ST3GAL1: variants seen among roughly 807,000 people sequenced by gnomAD.
ST3GAL1 encodes the protein CMP-N-acetylneuraminate-beta-galactosamide-alpha-2,3-sialyltransferase 1.
Under a neutral mutation model 34.1 loss-of-function variants are expected in ST3GAL1, and 16 were observed. That is an observed-to-expected ratio of 0.47 (90% CI 0.32 to 0.71). The LOEUF is 0.71. Among genes scored for constraint, ST3GAL1 ranks in the 30% least tolerant of loss-of-function variants. The pLI is 0.04. For missense variants in ST3GAL1, 353 were observed against 447.4 expected (o/e 0.79, Z 1.90); for synonymous variants, 191 against 184.7 (o/e 1.03, Z -0.28).
At chr8:133,488,654 G>C (rs559021224) in intron 3 of ST3GAL1, among the ~76,000 whole-genome samples, 1 of 152,210 alleles carries the variant, frequency 6.6e-6, no homozygotes, top group Non-Finnish European at 1.5e-5. Flanking sequence ...TCAGTGCCAC[G>C]AGCAGAGGGC....
Position 133,468,507 on chromosome 8 carries a change from G to C in ST3GAL1, c.307-2417C>G, listed in dbSNP as rs546670405. ...GAAGTTACTGTTTAATGGGGACAGAGTTTTTGCTTGGGATGACAAAAATCT... is the reference window on the plus strand; with the variant it reads ...GAAGTTACTGTTTAATGGGGACAGACTTTTTGCTTGGGATGACAAAAATCT... On this transcript the variant is annotated intron_variant, in intron 5 of 9. Transcript: ENST00000522652. 1.4e-4 allele frequency among the ~76,000 whole-genome samples: 22 copies of C among 152,310 alleles called. No homozygotes were observed. In the South Asian group the frequency reaches 2.9e-3, roughly 20 times the overall value.
intron 5 of ST3GAL1, among the ~76,000 whole-genome samples, chr8:133,468,229 G>T (rs1294766313): frequency 6.6e-6 from 1 of 152,136 alleles, no homozygotes. Flanking sequence ...TCCAGCGATG[G>T]ATGAATAAAC....
chr8:133,457,190 A>C lies in ST3GAL1; in HGVS notation c.*2574T>G, dbSNP rs915754042. The C allele has an allele frequency of 6.6e-6, 1 of 152,164 alleles. No homozygotes were observed. The highest frequency in any genetic ancestry group is 2.4e-5 in the African/African-American group (1 of 41,430). The allele number at this position is 152,164 out of a possible 1,614,324, so 9.4% of individuals were successfully genotyped here. A position where few individuals can be genotyped will look rare whatever the true frequency, so the allele number is the denominator to read the frequency against. ...GAAAGCTGGATTTGGAGGCTGGAAG[A>C]GATCTCACAGCTTGACCACCCTAGT... On this transcript the variant is annotated 3_prime_UTR_variant, in exon 10 of 10. Coordinates refer to ENST00000522652, the MANE Select transcript of ST3GAL1 (RefSeq NM_173344.3).
intron 3 of ST3GAL1, among the ~76,000 whole-genome samples, chr8:133,478,166 C>T (rs1450964255): frequency 6.6e-6 from 1 of 152,196 alleles, no homozygotes; most frequent in Admixed American, 6.5e-5. Context: ...CCAATTCTCT[C>T]CCCACCTGCC....
chr8:133,464,657 G>C, intron 7 of ST3GAL1, 121 bp downstream of exon 7: 1 of 1,089,482 alleles, frequency 9.2e-7, no homozygotes, highest in Non-Finnish European at 1.3e-6. Flanking sequence ...TGTGTGTGCC[G>C]GAGGAGGCTG....
intron 1 of ST3GAL1, among the ~76,000 whole-genome samples, chr8:133,553,574 G>T (rs559014669): frequency 6.6e-6 from 1 of 152,302 alleles, no homozygotes; most frequent in African/African-American, 2.4e-5. Flanking sequence ...TGGTGATGGG[G>T]ATAATAAAAG....
intron 1 of ST3GAL1, among the ~76,000 whole-genome samples, chr8:133,557,558 G>A (rs371327361): frequency 6.6e-5 from 10 of 152,104 alleles, no homozygotes; most frequent in African/African-American, 2.2e-4. Context: ...CCTCTCGGCT[G>A]TAAAATAAAG....
rs928725086 is a variant in ST3GAL1, at chr8:133,556,343, C to T, written c.-581-10417G>A. On this transcript the variant is annotated intron_variant, in intron 1 of 9. Transcript: ENST00000522652. This position sits in a 1 kb window ranked among gnomAD's most constrained non-coding sequence, Gnocchi z 8.9. ...AACAGCAGGCCTGGTGACTCCAGAG[C>T]CTGTCTTCTCCCCCTGGCCTTGGCC... 6.6e-6 allele frequency among the ~76,000 whole-genome samples: 1 copy of T among 152,218 alleles called. No homozygotes were observed. Among genetic ancestry groups the T allele is most frequent in the African/African-American group, 2.4e-5 (1 of 41,466 alleles).
chr8:133,478,529 C>T (rs901323963), intron 3 of ST3GAL1, among the ~76,000 whole-genome samples: 2 of 152,206 alleles, frequency 1.3e-5, no homozygotes, highest in Non-Finnish European at 2.9e-5. Context: ...GGAATAAATC[C>T]CCTTTATGGG....
intron 2 of ST3GAL1, among the ~76,000 whole-genome samples, chr8:133,510,484 CG>C (rs1272162809): frequency 1.3e-5 from 2 of 152,116 alleles, no homozygotes; most frequent in Admixed American, 6.6e-5. Flanking sequence ...ATGTACATGC[CG>C]GGCAATTCTA....
At chr8:133,491,486 T>G (rs1816783460) in intron 3 of ST3GAL1, among the ~76,000 whole-genome samples, 1 of 152,140 alleles carries the variant, frequency 6.6e-6, no homozygotes, top group East Asian at 1.9e-4. Context: ...ACCCTCAGCA[T>G]AAAGGAAGGG....
intron 1 of ST3GAL1, among the ~76,000 whole-genome samples, chr8:133,561,706 G>A (rs1819228762): frequency 6.6e-6 from 1 of 152,130 alleles, no homozygotes; most frequent in Non-Finnish European, 1.5e-5. Flanking sequence ...TGAGGTGGAG[G>A]CAGTAAGGTA....
chr8:133,505,845 C>A (rs192917361), intron 2 of ST3GAL1, among the ~76,000 whole-genome samples: 348 of 152,258 alleles, frequency 2.3e-3, no homozygotes, highest in African/African-American at 7.8e-3. Context: ...CCACAATCCA[C>A]CCACCTCGGC....
chr8:133,519,641 C>T (rs2131024802), intron 2 of ST3GAL1, among the ~76,000 whole-genome samples: 1 of 152,222 alleles, frequency 6.6e-6, no homozygotes, highest in Non-Finnish European at 1.5e-5. Flanking sequence ...ATGCCAGGCA[C>T]ACATTAAGAA....
At chr8:133,565,151 C>CCGTG (rs769433555) in intron 1 of ST3GAL1, among the ~76,000 whole-genome samples, 1 of 139,308 alleles carries the variant, frequency 7.2e-6, no homozygotes, top group South Asian at 2.4e-4. Context: ...CTCTGTGTGC[C>CCGTG]TGTGTGTGTG....
At position 133,466,480 on chromosome 8, in the gene ST3GAL1, T is replaced by TA. The variant is rs1463141382; in HGVS notation, c.307-391dup. On this transcript the variant is annotated intron_variant, in intron 5 of 9. Coordinates refer to ENST00000522652, the MANE Select transcript of ST3GAL1 (RefSeq NM_173344.3). This position sits in a 1 kb window ranked among gnomAD's most constrained non-coding sequence, Gnocchi z 4.4. Reference sequence around the variant, plus strand: ...CTCTCTGAAAGGCCCTCCATCCCCCTACGTGTCACCACTTGAAAGAGAGAA... The same window carrying TA: ...CTCTCTGAAAGGCCCTCCATCCCCCTAACGTGTCACCACTTGAAAGAGAGAA... Among the ~76,000 whole-genome samples the TA allele has an allele frequency of 6.6e-6, 1 of 152,132 alleles. No individual in the cohort carries two copies. Among genetic ancestry groups the TA allele is most frequent in the Non-Finnish European group, 1.5e-5 (1 of 68,014 alleles).
intron 2 of ST3GAL1, among the ~76,000 whole-genome samples, chr8:133,531,797 C>A (rs1818161403): frequency 7.4e-6 from 1 of 135,420 alleles, no homozygotes; most frequent in South Asian, 2.5e-4. Context: ...GCACTTGTAT[C>A]CCGAAACTTA....
chr8:133,513,200 G>A (rs1158099766), intron 2 of ST3GAL1, among the ~76,000 whole-genome samples: 3 of 152,164 alleles, frequency 2.0e-5, no homozygotes, highest in Non-Finnish European at 4.4e-5. Context: ...CAGCCCTGCT[G>A]AAGAGCTCCC....
intron 1 of ST3GAL1, among the ~76,000 whole-genome samples, chr8:133,557,488 T>A (rs998866668): frequency 2.0e-5 from 3 of 152,268 alleles, no homozygotes; most frequent in Middle Eastern, 3.4e-3. Flanking sequence ...TGGCCTCCTA[T>A]CCAGGTTCTG....
Sources: gnomAD v4.1 joint callset for allele counts (sites outside exome capture counted in the v4.1 genomes callset) on GRCh38, gnomAD v4.1.1 for gene constraint, Gnocchi (gnomAD v3.1) non-coding constraint, MANE v1.5 for transcripts, NCBI Gene and HGNC (gene_info 2026-07-23, HGNC 2026-07-21) for gene names.